The following DOC2B variants were observed in gnomAD, a reference collection of about 807,000 sequenced individuals.
DOC2B encodes double C2-like domain-containing protein beta.
A neutral mutation model predicts 28.9 loss-of-function variants in DOC2B; 21 were observed. The observed-to-expected ratio is 0.73, with a 90% confidence interval of 0.52 to 1.05. The LOEUF (loss-of-function observed/expected upper bound fraction) is 1.05. DOC2B is among the 50% of genes least tolerant of loss of function. The pLI, the probability that DOC2B is intolerant of heterozygous loss-of-function variation, is 0.00. For synonymous variants in DOC2B, 194 were observed against 178.1 expected (o/e 1.09, Z -0.71); for missense variants, 384 against 421.1 (o/e 0.91, Z 0.77).
intron 5 of DOC2B, 40 bp from the exon 6 acceptor site, chr17:156,417 A>G (rs2040136703): frequency 1.9e-6 from 3 of 1,540,814 alleles, no homozygotes; most frequent in Non-Finnish European, 8.7e-7. Context: ...ACCTGCTCCC[A>G]CCCCTCTCTT....
intron 5 of DOC2B, among the ~76,000 whole-genome samples, chr17:158,860 C>T (rs566186625): frequency 2.6e-5 from 4 of 152,200 alleles, no homozygotes; most frequent in African/African-American, 9.6e-5. Flanking sequence ...GCCTGGCCAA[C>T]ATGGTGAAAC....
At chr17:151,273 AAAAAG>A (rs757665771) in intron 6 of DOC2B, among the ~76,000 whole-genome samples, 3 of 152,186 alleles carry the variant, frequency 2.0e-5, no homozygotes, top group Non-Finnish European at 4.4e-5. Context: ...CTGTCTCTAA[AAAAAG>A]AAAAGAAAAG....
At chr17:173,010 G>A (rs758515881) in intron 1 of DOC2B, among the ~76,000 whole-genome samples, 16 of 152,312 alleles carry the variant, frequency 1.1e-4, no homozygotes, top group African/African-American at 2.4e-4. Flanking sequence ...CACACAAGGC[G>A]GAGGAGACGA....
chr17:144,122 C>A lies in DOC2B; in HGVS notation c.*3319G>T, dbSNP rs2040003338. The A allele has an allele frequency of 6.6e-6, 1 of 151,030 alleles. No individual in the cohort carries two copies. Among genetic ancestry groups the A allele is most frequent in the South Asian group, 1.8e-4 (1 of 5,522 alleles). 9.4% of individuals were successfully genotyped at this position (151,030 alleles called of 1,614,324 possible). On this transcript the variant is annotated 3_prime_UTR_variant, in exon 9 of 9. Coordinates refer to ENST00000613549, the MANE Select transcript of DOC2B (RefSeq NM_003585.5). ...GCGGGCGGGGCGGCGCTGGAGGCAGCGCCTGGTTACTGACACCTGGAATGA... is the reference window on the plus strand; with the variant it reads ...GCGGGCGGGGCGGCGCTGGAGGCAGAGCCTGGTTACTGACACCTGGAATGA...
At chr17:164,605 C>T (rs2040241586) in intron 2 of DOC2B, among the ~76,000 whole-genome samples, 1 of 152,154 alleles carries the variant, frequency 6.6e-6, no homozygotes, top group Non-Finnish European at 1.5e-5. Context: ...CCTAAATCCA[C>T]ATAACCCCGG....
intron 2 of DOC2B, among the ~76,000 whole-genome samples, chr17:169,113 A>G (rs2040282777): frequency 6.6e-6 from 1 of 152,080 alleles, no homozygotes; most frequent in Admixed American, 6.6e-5. Context: ...AGTGTTCGGA[A>G]GAGGAGCTTT....
intron 6 of DOC2B, among the ~76,000 whole-genome samples, chr17:152,527 G>T (rs1555521906): frequency 6.6e-6 from 1 of 152,162 alleles, no homozygotes; most frequent in East Asian, 1.9e-4. Context: ...CAGCACTTTG[G>T]GAGGCCGAGC....
chr17:174,744 C>G (rs2040350355), intron 1 of DOC2B, among the ~76,000 whole-genome samples: 1 of 152,220 alleles, frequency 6.6e-6, no homozygotes, highest in Non-Finnish European at 1.5e-5. Context: ...TTGGCGCAGA[C>G]AGCTCTCACC....
intron 6 of DOC2B, among the ~76,000 whole-genome samples, 160 bp from the exon 7 acceptor site, chr17:149,352 G>T (rs1016179468): frequency 6.6e-6 from 1 of 152,096 alleles, no homozygotes; most frequent in East Asian, 1.9e-4. Flanking sequence ...TTGTGGCAAA[G>T]GCGAGACGTT....
Position 156,324 on chromosome 17 carries a change from G to T in DOC2B, c.819C>A (p.Ser273=), listed in dbSNP as rs61739713. ...CTTGCTTCTGTGAGCTGTACTTGAGGGAGATGAGGATGCGGCCCCGCTCCT... is the reference window on the plus strand; with the variant it reads ...CTTGCTTCTGTGAGCTGTACTTGAGTGAGATGAGGATGCGGCCCCGCTCCT... The part of the protein sequence containing the change: ...SLEERGRILI[S]LKYSSQKQGL... Residue 273 remains serine (S), a synonymous_variant, in exon 6 of 9, where the codon TCC becomes TCA. Coordinates refer to ENST00000613549, the MANE Select transcript of DOC2B (RefSeq NM_003585.5). 47 of 1,551,356 alleles carry T rather than the reference G, an allele frequency of 3.0e-5. No homozygotes were observed. Among genetic ancestry groups the T allele is most frequent in the Non-Finnish European group, 3.6e-5 (41 of 1,146,952 alleles).
intron 5 of DOC2B, among the ~76,000 whole-genome samples, chr17:158,658 C>T (rs577873462): frequency 1.4e-4 from 22 of 152,342 alleles, no homozygotes; most frequent in Admixed American, 3.3e-4. Flanking sequence ...TGCGAGATCT[C>T]GCTATCTGCC....
rs867959859 is a variant in DOC2B at position 161,513 on chromosome 17, G to A, written c.667C>T (p.Arg223Trp). ...RISVCDEDKF[R>W]HNEFIGETRV... Reference sequence around the variant, plus strand: ...GTCTCCCCGATGAACTCATTGTGCCGGAATTTGTCCTCGTCACACACAGAG... The same window carrying A: ...GTCTCCCCGATGAACTCATTGTGCCAGAATTTGTCCTCGTCACACACAGAG... Residue 223 changes from arginine to tryptophan, a missense_variant, in exon 5 of 9, where the codon CGG becomes TGG. Arg to Trp is a moderately radical substitution (Grantham distance 101). Coordinates refer to ENST00000613549, the MANE Select transcript of DOC2B (RefSeq NM_003585.5). 23 of 1,551,578 alleles carry A rather than the reference G, an allele frequency of 1.5e-5. No individual in the cohort carries two copies. The highest frequency in any genetic ancestry group is 1.7e-4 in the Middle Eastern group (1 of 6,012).
intron 5 of DOC2B, among the ~76,000 whole-genome samples, chr17:159,724 C>T (rs1378587673): frequency 2.0e-5 from 3 of 152,156 alleles, no homozygotes; most frequent in Non-Finnish European, 2.9e-5. Context: ...CTGAACGGCA[C>T]CAATGGGCCG....
At chr17:162,228 G>A in intron 3 of DOC2B, 38 bp from the exon 4 acceptor site, 1 of 1,468,190 alleles carries the variant, frequency 6.8e-7, no homozygotes, top group Non-Finnish European at 9.3e-7. Context: ...GCATCAAAGT[G>A]TGTATCAAAC....
chr17:143,779 G>A lies in DOC2B; in HGVS notation c.*3662C>T, dbSNP rs2039999622. ...ACTTAAAAAGGACACCTTCGGGTAGGTCAGACCAAAATACAAAACTTGTCT... is the reference window on the plus strand; with the variant it reads ...ACTTAAAAAGGACACCTTCGGGTAGATCAGACCAAAATACAAAACTTGTCT... On this transcript the variant is annotated 3_prime_UTR_variant, in exon 9 of 9. Coordinates refer to ENST00000613549, the MANE Select transcript of DOC2B (RefSeq NM_003585.5). 1 of 152,232 alleles carries A rather than the reference G, an allele frequency of 6.6e-6. No homozygotes were observed. Among genetic ancestry groups the A allele is most frequent in the Non-Finnish European group, 1.5e-5 (1 of 68,054 alleles). The allele number at this position is 152,232 out of a possible 1,614,324, so 9.4% of individuals were successfully genotyped here.
chr17:161,328 T>C, intron 5 of DOC2B, 87 bp downstream of exon 5: 1 of 1,371,496 alleles, frequency 7.3e-7, no homozygotes. Flanking sequence ...CTGCCCCTCA[T>C]GAGTCCCATC....
chr17:181,529 G>A lies in DOC2B; in HGVS notation c.-50C>T. On this transcript the variant is annotated 5_prime_UTR_variant, in exon 1 of 9. Coordinates refer to ENST00000613549, the MANE Select transcript of DOC2B (RefSeq NM_003585.5). This position sits in a 1 kb window ranked among gnomAD's most constrained non-coding sequence, Gnocchi z 7.0. The stretch of plus-strand genomic sequence containing the variant: ...GCGCGGCCCGGCCCGGCGCGACCCC[G>A]GCCCGGGGGCGGCTCAGCAGGCCCG... 1.0e-6 allele frequency: 1 copy of A among 961,768 alleles called. No homozygotes were observed. The highest frequency in any genetic ancestry group is 1.2e-6 in the Non-Finnish European group (1 of 810,664). 59.6% of individuals were successfully genotyped at this position (961,768 alleles called of 1,614,324 possible).
At chr17:164,101 G>T (rs755070856) in intron 3 of DOC2B, 29 bp downstream of exon 3, 70 of 1,523,940 alleles carry the variant, frequency 4.6e-5, no homozygotes, top group Non-Finnish European at 5.3e-5. Flanking sequence ...GGGTGCAGCT[G>T]GTGGGCAGGC....
intron 7 of DOC2B, among the ~76,000 whole-genome samples, 199 bp downstream of exon 7, chr17:148,912 C>G (rs1313422662): frequency 2.0e-5 from 3 of 151,948 alleles, no homozygotes; most frequent in African/African-American, 4.8e-5. Flanking sequence ...TCCCTCCCCC[C>G]AGCCCTACAT....
Sources: allele counts gnomAD v4.1 joint callset (sites outside exome capture counted in the v4.1 genomes callset), GRCh38; gene constraint gnomAD v4.1.1; non-coding constraint Gnocchi (gnomAD v3.1); transcripts MANE v1.5; gene names NCBI Gene and HGNC (gene_info 2026-07-23, HGNC 2026-07-21).